Variants in AFF3 observed in about 807,000 individuals in gnomAD.
AFF3 encodes the protein AF4/FMR2 family member 3.
In AFF3, 32 loss-of-function variants were observed where a neutral mutation model predicts 129.7. That is an observed-to-expected ratio of 0.25 (90% CI 0.19 to 0.33). The LOEUF is 0.33. AFF3 is among the 10% of genes least tolerant of loss of function. AFF3 has a pLI of 1.00. For synonymous variants in AFF3, 644 were observed against 635.4 expected (o/e 1.01, Z -0.20); for missense variants, 1,373 against 1,592.0 (o/e 0.86, Z 2.34).
At chr2:99,775,987 T>C (rs72817088) in intron 8 of AFF3, among the ~76,000 whole-genome samples, 28,168 of 152,058 alleles carry the variant, frequency 0.19, 3,257 homozygotes, top group South Asian at 0.28. Context: ...ATATAAACTT[T>C]AAAATAAACC....
intron 4 of AFF3, among the ~76,000 whole-genome samples, chr2:100,059,023 G>A (rs12467599): frequency 6.6e-6 from 1 of 151,940 alleles, no homozygotes; most frequent in African/African-American, 2.4e-5. Context: ...GAGGCCAAGG[G>A]AGGTGGATCA....
intron 4 of AFF3, among the ~76,000 whole-genome samples, chr2:100,076,231 C>T (rs986578199): frequency 1.3e-5 from 2 of 152,138 alleles, no homozygotes; most frequent in Non-Finnish European, 2.9e-5. Context: ...TGTCTAACTA[C>T]AAACCGAGAT....
At chr2:99,752,426 TGAAA>T in intron 8 of AFF3, 125 bp from the exon 9 acceptor site, 3 of 667,010 alleles carry the variant, frequency 4.5e-6, no homozygotes, top group Non-Finnish European at 7.4e-6. Flanking sequence ...GTACAAAGGC[TGAAA>T]GAATTTTAAA....
At chr2:100,060,981 T>C (rs369080686) in intron 4 of AFF3, among the ~76,000 whole-genome samples, 32 of 152,306 alleles carry the variant, frequency 2.1e-4, no homozygotes, top group African/African-American at 7.7e-4. Flanking sequence ...TGCCAGGCAT[T>C]TGGTAAAATA....
intron 13 of AFF3, among the ~76,000 whole-genome samples, chr2:99,624,499 G>A (rs1005624681): frequency 6.6e-6 from 1 of 152,144 alleles, no homozygotes; most frequent in Non-Finnish European, 1.5e-5. Flanking sequence ...ATAACCAAGG[G>A]AGTAATGGTG....
chr2:100,045,464 G>T (rs1332581135), intron 4 of AFF3, among the ~76,000 whole-genome samples: 13 of 152,036 alleles, frequency 8.6e-5, no homozygotes, highest in African/African-American at 2.4e-5. Context: ...CCCCTTTAAG[G>T]CTATCAATGA....
At chr2:99,871,893 CAAATCTAA>C (rs1364949666) in intron 7 of AFF3, among the ~76,000 whole-genome samples, 2 of 151,928 alleles carry the variant, frequency 1.3e-5, no homozygotes, top group Non-Finnish European at 1.5e-5. Flanking sequence ...CCTGCCCTCC[CAAATCTAA>C]AATAAATATA....
chr2:99,835,142 C>T (rs1413828280), intron 8 of AFF3, among the ~76,000 whole-genome samples: 1 of 152,180 alleles, frequency 6.6e-6, no homozygotes, highest in Non-Finnish European at 1.5e-5. Context: ...CTGCAATAGC[C>T]TCCCACTCCC....
rs1423340929 is a variant in AFF3 at position 99,929,765 on chromosome 2, C to T, written c.873+76867G>A. On this transcript the variant is annotated intron_variant, in intron 7 of 24. Coordinates refer to ENST00000672756, the MANE Select transcript of AFF3 (RefSeq NM_001386135.1). ...GTGTTTTGGGTACAGCATTTTACAA[C>T]CAAAAGAGCTTTAAAATGGCATTTC... Among the ~76,000 whole-genome samples, 4 of 152,196 alleles carry T rather than the reference C, an allele frequency of 2.6e-5. No homozygotes were observed. The East Asian group carries it at 5.8e-4, about 22-fold the overall frequency.
At chr2:99,962,417 A>C (rs1490141602) in intron 7 of AFF3, among the ~76,000 whole-genome samples, 1 of 152,242 alleles carries the variant, frequency 6.6e-6, no homozygotes, top group East Asian at 1.9e-4. Context: ...GAATGGGAAA[A>C]TACAATTAGA....
chr2:99,821,970 A>AAC (rs1449003557), intron 8 of AFF3, among the ~76,000 whole-genome samples: 1 of 152,182 alleles, frequency 6.6e-6, no homozygotes, highest in Non-Finnish European at 1.5e-5. Context: ...AGGTGGTATA[A>AAC]ACACAAGTCT....
intron 17 of AFF3, 35 bp from the exon 18 acceptor site, chr2:99,578,486 G>A (rs1677206774): frequency 6.2e-7 from 1 of 1,604,512 alleles, no homozygotes; most frequent in South Asian, 1.1e-5. Flanking sequence ...TTGAGAAATT[G>A]GCCACCTGGT....
At chr2:99,983,314 T>G (rs1679577779) in intron 7 of AFF3, among the ~76,000 whole-genome samples, 1 of 152,192 alleles carries the variant, frequency 6.6e-6, no homozygotes, top group Non-Finnish European at 1.5e-5. Context: ...TTTGAATGGT[T>G]TACAACATTC....
intron 4 of AFF3, among the ~76,000 whole-genome samples, chr2:100,070,412 T>G (rs1408724332): frequency 6.6e-6 from 1 of 152,198 alleles, no homozygotes; most frequent in East Asian, 1.9e-4. Flanking sequence ...TACAACACTT[T>G]TTGGAGCAGT....
intron 8 of AFF3, among the ~76,000 whole-genome samples, chr2:99,812,036 G>GC (rs1686830690): frequency 6.6e-6 from 1 of 152,202 alleles, no homozygotes; most frequent in Non-Finnish European, 1.5e-5. Context: ...CCAGAAATGT[G>GC]CTCATTCTAG....
At position 99,566,372 on chromosome 2, in the gene AFF3, G is replaced by A. The variant is rs532580247; in HGVS notation, c.2983-749C>T. On this transcript the variant is annotated intron_variant, in intron 19 of 24. Coordinates refer to ENST00000672756, the MANE Select transcript of AFF3 (RefSeq NM_001386135.1). ...CAGCTTTGCTAAAATAGGACAAAAA[G>A]TTGAAAATTATTAATAAAAATGATT... Among the ~76,000 whole-genome samples the A allele has an allele frequency of 1.6e-4, 24 of 152,120 alleles. No individual in the cohort carries two copies. The South Asian group carries it at 3.3e-3, about 21-fold the overall frequency.
At chr2:99,812,392 G>A (rs1477435208) in intron 8 of AFF3, among the ~76,000 whole-genome samples, 1 of 152,178 alleles carries the variant, frequency 6.6e-6, no homozygotes, top group Non-Finnish European at 1.5e-5. Context: ...ATGATCACCT[G>A]CTGGTAATGC....
At chr2:100,004,197 C>T (rs1022229209) in intron 7 of AFF3, among the ~76,000 whole-genome samples, 1 of 152,102 alleles carries the variant, frequency 6.6e-6, no homozygotes, top group African/African-American at 2.4e-5. Flanking sequence ...AAGTAATAAC[C>T]TTGCAGGTTA....
At chr2:99,907,776 G>C (rs914150840) in intron 7 of AFF3, among the ~76,000 whole-genome samples, 4 of 151,992 alleles carry the variant, frequency 2.6e-5, no homozygotes, top group Admixed American at 1.3e-4. Flanking sequence ...TTGCAGGTGT[G>C]AGCCACTGTG....
Sources: gnomAD v4.1 joint callset for allele counts (sites outside exome capture counted in the v4.1 genomes callset) on GRCh38, gnomAD v4.1.1 for gene constraint, MANE v1.5 for transcripts, NCBI Gene and HGNC (gene_info 2026-07-23, HGNC 2026-07-21) for gene names.